The following NAT16 variants were observed in gnomAD, a reference collection of about 807,000 sequenced individuals.
NAT16 encodes probable N-acetyltransferase 16.
A neutral mutation model predicts 15.9 loss-of-function variants in NAT16; 16 were observed. The observed-to-expected ratio is 1.01, with a 90% CI of 0.68 to 1.53. NAT16 has a LOEUF of 1.53. NAT16 is among the 40% of genes most tolerant of loss of function. The pLI, the probability that NAT16 is intolerant of heterozygous loss-of-function variation, is 0.00. For synonymous variants in NAT16, 260 were observed against 241.9 expected (o/e 1.07, Z -0.69); for missense variants, 572 against 508.4 (o/e 1.13, Z -1.20).
chr7:101,177,390 C>T (rs1034917539), intron 1 of NAT16, among the ~76,000 whole-genome samples: 18 of 151,804 alleles, frequency 1.2e-4, no homozygotes, highest in Non-Finnish European at 2.1e-4. Flanking sequence ...TCACCCAGGC[C>T]GGAGTGCAAT....
intron 1 of NAT16, among the ~76,000 whole-genome samples, chr7:101,176,806 TA>T (rs2116732821): frequency 6.6e-6 from 1 of 152,294 alleles, no homozygotes; most frequent in South Asian, 2.1e-4. Context: ...TCACCTCAGA[TA>T]ACCTACGTTA....
At chr7:101,174,473 C>T (rs894551132) in intron 2 of NAT16, 23 bp downstream of exon 2, 1 of 1,593,750 alleles carries the variant, frequency 6.3e-7, no homozygotes, top group African/African-American at 1.3e-5. Flanking sequence ...CCCATGTCAC[C>T]TGGGCCGTGC....
Position 101,174,784 on chromosome 7 carries a change from G to T in NAT16, c.24C>A (p.Gly8=). Reference sequence around the variant, plus strand: ...GCTTAGGGACCTCTGAGGTGGCTGTGCCACAGCTGGCTTCCAGCTTCATGA... The same window carrying T: ...GCTTAGGGACCTCTGAGGTGGCTGTTCCACAGCTGGCTTCCAGCTTCATGA... MKLEASC[G]TATSEVPKPE... The change falls in exon 2 of 4, where the codon GGC becomes GGA. Residue 8 remains glycine, a synonymous_variant. Coordinates refer to ENST00000300303, the MANE Select transcript of NAT16 (RefSeq NM_198571.3). 6.3e-7 allele frequency: 1 copy of T among 1,578,414 alleles called. No homozygotes were observed.
In NAT16 at chr7:101,173,470, C is replaced by T. The variant is rs1424722097; in HGVS notation, c.363G>A (p.Val121=). ...CCCAGGGCGCCACGCGCAGCCCCTC[C>T]ACCAGCACCGTCTCCCCGGCGTCGA... ...NVIDAGETVL[V]EGLRVAPWER... The change falls in exon 3 of 4, where the codon GTG becomes GTA. Residue 121 remains valine (V), a synonymous_variant. Transcript: ENST00000300303. 1 of 1,610,658 alleles carries T rather than the reference C, an allele frequency of 6.2e-7. No homozygotes were observed. Among genetic ancestry groups the T allele is most frequent in the East Asian group, 2.2e-5 (1 of 44,754 alleles).
intron 1 of NAT16, among the ~76,000 whole-genome samples, chr7:101,179,390 C>T (rs1797542507): frequency 6.6e-6 from 1 of 150,546 alleles, no homozygotes; most frequent in East Asian, 2.0e-4. Flanking sequence ...AATCCTAGCA[C>T]GCACCCCCTC....
chr7:101,171,903 A>AG lies in NAT16; in HGVS notation c.*175dup, dbSNP rs1411502829. ...ATGGTGTTTGGGGGAGCTAGAGGCA[A>AG]GATAGTAAGGGCAAAAGGGACAGAG... On this transcript the variant is annotated 3_prime_UTR_variant, in exon 4 of 4. Transcript: ENST00000300303. The AG allele has an allele frequency of 6.8e-6, 4 of 585,472 alleles. No individual in the cohort carries two copies. In the East Asian group the frequency reaches 1.2e-4, roughly 17 times the overall value. 36.3% of individuals were successfully genotyped at this position (585,472 alleles called of 1,614,324 possible).
rs1035211527 is a variant in NAT16, at chr7:101,172,486, C to T, written c.703G>A (p.Asp235Asn). The change falls in exon 4 of 4, where the codon GAC (aspartate) becomes AAC (asparagine). Residue 235 changes from aspartate (D) to asparagine (N), a missense_variant. Asp to Asn is a conservative substitution (Grantham distance 23). Transcript: ENST00000300303. This position sits in a 1 kb window ranked among gnomAD's most constrained non-coding sequence, Gnocchi z 4.2. ...RLLLSPSVQR[D>N]VLPGGTIIQD... ...ATGATGGTCCCGCCTGGAAGCACGTCGCGCTGCACGGAGGGTGACAGCAGG... is the reference window on the plus strand; with the variant it reads ...ATGATGGTCCCGCCTGGAAGCACGTTGCGCTGCACGGAGGGTGACAGCAGG... 2.1e-5 allele frequency: 33 copies of T among 1,597,572 alleles called. No homozygotes were observed. The highest frequency in any genetic ancestry group is 2.8e-5 in the Non-Finnish European group (33 of 1,176,896).
intron 1 of NAT16, 147 bp from the exon 2 acceptor site, chr7:101,174,958 A>G (rs1402220352): frequency 4.5e-6 from 5 of 1,122,316 alleles, no homozygotes; most frequent in Admixed American, 8.0e-5. Context: ...TTACTTATTT[A>G]TTTATTTATT....
intron 2 of NAT16, chr7:101,173,995 G>A (rs1797404465): frequency 9.7e-6 from 2 of 205,144 alleles, no homozygotes; most frequent in South Asian, 1.7e-4. Flanking sequence ...CTCCCAAAGA[G>A]CTGGGGTTAC....
intron 3 of NAT16, 69 bp downstream of exon 3, chr7:101,173,227 G>A: frequency 1.5e-6 from 2 of 1,345,934 alleles, no homozygotes; most frequent in Admixed American, 1.7e-5. Context: ...GTTCTGCTGG[G>A]GGTGGGGAGG....
At chr7:101,174,381 T>G in intron 2 of NAT16, 115 bp downstream of exon 2, 2 of 1,367,996 alleles carry the variant, frequency 1.5e-6, no homozygotes, top group Non-Finnish European at 1.9e-6. Context: ...GCAGGCTCTA[T>G]TTCCGCAGCC....
chr7:101,172,236 T>G lies in NAT16; in HGVS notation c.953A>C (p.Gln318Pro). 1 of 1,613,326 alleles carries G rather than the reference T, an allele frequency of 6.2e-7. No individual in the cohort carries two copies. Among genetic ancestry groups the G allele is most frequent in the Non-Finnish European group, 8.5e-7 (1 of 1,179,790 alleles). ...QVQSQLLWHL[Q>P]RQAPRLVGLN... ...GCCAACGAGGCGCGGGGCCTGGCGC[T>G]GCAGGTGCCACAGCAGCTGGCTCTG... The change falls in exon 4 of 4, where the codon CAG (glutamine) becomes CCG (proline). Residue 318 changes from glutamine (Q) to proline (P), a missense_variant. Physicochemically the swap from Gln to Pro is moderately conservative, Grantham distance 76. Transcript: ENST00000300303. This position sits in a 1 kb window ranked among gnomAD's most constrained non-coding sequence, Gnocchi z 4.2.
At chr7:101,179,991 G>A (rs955393729) in intron 1 of NAT16, 51 bp downstream of exon 1, 1 of 152,380 alleles carries the variant, frequency 6.6e-6, no homozygotes, top group Non-Finnish European at 1.5e-5. Flanking sequence ...TTCTGCGGTG[G>A]AGGAGCACGC....
In NAT16 at chr7:101,173,341, C is replaced by G. The variant is rs1171901403; in HGVS notation, c.492G>C (p.Gln164His). The G allele has an allele frequency of 2.5e-6, 4 of 1,613,954 alleles. No individual in the cohort carries two copies. The East Asian group carries it at 8.9e-5, about 36-fold the overall frequency. Residue 164 changes from glutamine to histidine, a missense_variant, in exon 3 of 4, where the codon CAG (glutamine) becomes CAC (histidine). Physicochemically the swap from Gln to His is conservative, Grantham distance 24. Coordinates refer to ENST00000300303, the MANE Select transcript of NAT16 (RefSeq NM_198571.3). ...ATTTCTTCAGCTCCCGGGGGCCCAG[C>G]TGGTCGTCCCGGGTGAGCCGTGCCA... ...VKVARLTRDD[Q>H]LGPRELKKYR...
chr7:101,171,888 G>A lies in NAT16; in HGVS notation c.*191C>T. On this transcript the variant is annotated 3_prime_UTR_variant, in exon 4 of 4. Coordinates refer to ENST00000300303, the MANE Select transcript of NAT16 (RefSeq NM_198571.3). The stretch of plus-strand genomic sequence containing the variant: ...GTCAGGGAGTGGGCAATGGTGTTTG[G>A]GGGAGCTAGAGGCAAGATAGTAAGG... 1 of 580,044 alleles carries A rather than the reference G, an allele frequency of 1.7e-6. No individual in the cohort carries two copies. The highest frequency in any genetic ancestry group is 1.9e-5 in the African/African-American group (1 of 52,120). The allele number at this position is 580,044 out of a possible 1,614,324, so 35.9% of individuals were successfully genotyped here.
At chr7:101,175,620 GT>G (rs947844278) in intron 1 of NAT16, among the ~76,000 whole-genome samples, 5 of 145,882 alleles carry the variant, frequency 3.4e-5, no homozygotes, top group Non-Finnish European at 7.5e-5. Context: ...CTTGGGGGTA[GT>G]TTTAAAAAAA....
Position 101,174,652 on chromosome 7 carries a change from T to G in NAT16, c.156A>C (p.Pro52=). The change falls in exon 2 of 4, where the codon CCA becomes CCC. Residue 52 remains proline (P), a synonymous_variant. Transcript: ENST00000300303. ...GTTCCGTGGCCACCACGAAGTCCAA[T>G]GGCTCGGCCTCAGCCTCAGGCCCCG... ...SGSGPEAEAE[P]LDFVVATERE... is the part of the protein sequence containing the mutation. 6.2e-7 allele frequency: 1 copy of G among 1,613,978 alleles called. No homozygotes were observed. The highest frequency in any genetic ancestry group is 8.5e-7 in the Non-Finnish European group (1 of 1,180,008).
intron 3 of NAT16, among the ~76,000 whole-genome samples, chr7:101,173,048 C>T (rs952221346): frequency 6.6e-6 from 1 of 152,040 alleles, no homozygotes; most frequent in Non-Finnish European, 1.5e-5. Flanking sequence ...GAGGCAGGAT[C>T]CTAGGGGAGG....
At chr7:101,173,201 G>A (rs1451822907) in intron 3 of NAT16, 95 bp downstream of exon 3, 10 of 1,146,078 alleles carry the variant, frequency 8.7e-6, no homozygotes, top group East Asian at 7.2e-5. Context: ...AAAGCCCAGA[G>A]AGAGAGCAAG....
Sources: allele counts gnomAD v4.1 joint callset (sites outside exome capture counted in the v4.1 genomes callset), GRCh38; gene constraint gnomAD v4.1.1; non-coding constraint Gnocchi (gnomAD v3.1); transcripts MANE v1.5; gene names NCBI Gene and HGNC (gene_info 2026-07-23, HGNC 2026-07-21).